EIF2S3: variants seen among roughly 807,000 people sequenced by gnomAD.
EIF2S3 encodes eukaryotic translation initiation factor 2 subunit gamma.
Under a neutral mutation model 31.7 loss-of-function variants are expected in EIF2S3, and 2 were observed. The ratio of observed to expected loss-of-function variants is 0.06; its 90% confidence interval spans 0.03 to 0.20. The LOEUF is 0.20. EIF2S3 is among the 10% of genes least tolerant of loss of function. EIF2S3 has a pLI of 1.00. For missense variants in EIF2S3, 96 were observed against 359.3 expected (o/e 0.27, Z 5.92); for synonymous variants, 120 against 126.7 (o/e 0.95, Z 0.36).
At position 24,057,555 on chromosome X, in the gene EIF2S3, T is replaced by C; in HGVS notation, c.261+7T>C. The C allele has an allele frequency of 4.1e-6, 5 of 1,207,751 alleles. No individual in the cohort carries two copies. The highest frequency in any genetic ancestry group is 5.6e-6 in the Non-Finnish European group (5 of 893,654). ...TGGATATGCTAATGCTAAGGTAAGC[T>C]GTGTACTGTGGAACGAGAAACTAAC... On this transcript the variant is annotated splice_region_variant and intron_variant, in intron 3 of 11. Coordinates refer to ENST00000253039, the MANE Select transcript of EIF2S3 (RefSeq NM_001415.4).
intron 8 of EIF2S3, among the ~76,000 whole-genome samples, chrX:24,066,522 TC>T (rs1319708011): frequency 1.7e-5 from 1 of 60,126 alleles, no homozygotes; most frequent in Non-Finnish European, 3.5e-5. Context: ...GCTTTTCTTT[TC>T]TTTTTTTTTT....
intron 11 of EIF2S3, among the ~76,000 whole-genome samples, chrX:24,074,684 T>C (rs1175285385): frequency 9.1e-6 from 1 of 110,164 alleles, no homozygotes; most frequent in African/African-American, 3.3e-5. Flanking sequence ...TTTGCCATTA[T>C]TTATTTCCCT....
rs369824654 is a variant in EIF2S3, at chrX:24,077,685, C to A, written c.*900C>A. On this transcript the variant is annotated 3_prime_UTR_variant, in exon 12 of 12. Coordinates refer to ENST00000253039, the MANE Select transcript of EIF2S3 (RefSeq NM_001415.4). ...TCCCATGGACAAATATTTTTCTCCCCTTGCTCTTCCTGGCCTGAAACACGG... is the reference window on the plus strand; with the variant it reads ...TCCCATGGACAAATATTTTTCTCCCATTGCTCTTCCTGGCCTGAAACACGG... The A allele has an allele frequency of 9.0e-6, 1 of 111,629 alleles. No homozygotes were observed. Among genetic ancestry groups the A allele is most frequent in the East Asian group, 2.8e-4 (1 of 3,569 alleles). 9.2% of individuals were successfully genotyped at this position (111,629 alleles called of 1,213,427 possible). A position where few individuals can be genotyped will look rare whatever the true frequency, so the allele number is the denominator to read the frequency against.
At position 24,078,593 on chromosome X, in the gene EIF2S3, A is replaced by G. The variant is rs1239960571; in HGVS notation, c.*1808A>G. ...TGAGTTTTGGTAGACTGATAATACA[A>G]TTTGCTTTGCTTTTCTTAAATTTGC... On this transcript the variant is annotated 3_prime_UTR_variant, in exon 12 of 12. Coordinates refer to ENST00000253039, the MANE Select transcript of EIF2S3 (RefSeq NM_001415.4). 1.8e-5 allele frequency among the ~76,000 whole-genome samples: 2 copies of G among 111,759 alleles called. No individual in the cohort carries two copies. Among genetic ancestry groups the G allele is most frequent in the Non-Finnish European group, 3.8e-5 (2 of 53,205 alleles).
At chrX:24,066,393 G>A (rs1930573729) in intron 8 of EIF2S3, among the ~76,000 whole-genome samples, 2 of 110,012 alleles carry the variant, frequency 1.8e-5, no homozygotes, top group African/African-American at 6.6e-5. Context: ...TTGTCTTTTT[G>A]TGCCTGGCTT....
intron 1 of EIF2S3, 76 bp from the exon 2 acceptor site, chrX:24,055,539 A>G (rs1283033655): frequency 9.7e-7 from 1 of 1,030,090 alleles, no homozygotes; most frequent in East Asian, 3.0e-5. Context: ...GGCAAGATGT[A>G]GATAGCAAAC....
chrX:24,055,358 G>A (rs1404912590), intron 1 of EIF2S3, among the ~76,000 whole-genome samples: 1 of 111,657 alleles, frequency 9.0e-6, no homozygotes, highest in Non-Finnish European at 1.9e-5. Context: ...TAGTGCTAAT[G>A]TTCCCAAGAT....
chrX:24,061,139 C>T (rs984464277), intron 5 of EIF2S3, among the ~76,000 whole-genome samples: 3 of 106,091 alleles, frequency 2.8e-5, no homozygotes, highest in African/African-American at 1.0e-4. Context: ...TGCCTGTAAT[C>T]CCAGCTACTT....
chrX:24,066,523 C>CTTTTTTTTTT (rs113989989), intron 8 of EIF2S3, among the ~76,000 whole-genome samples: 1 of 94,336 alleles, frequency 1.1e-5, no homozygotes. Flanking sequence ...CTTTTCTTTT[C>CTTTTTTTTTT]TTTTTTTTTT....
chrX:24,074,780 T>C (rs1930724861), intron 11 of EIF2S3, among the ~76,000 whole-genome samples: 1 of 109,414 alleles, frequency 9.1e-6, no homozygotes, highest in Non-Finnish European at 1.9e-5. Context: ...TGATGTGCAT[T>C]GTTCGACGTT....
intron 4 of EIF2S3, among the ~76,000 whole-genome samples, chrX:24,059,314 G>A (rs1156813523): frequency 8.9e-6 from 1 of 112,121 alleles, no homozygotes; most frequent in Non-Finnish European, 1.9e-5. Flanking sequence ...AAACAATTGT[G>A]ACTCTGAATG....
intron 2 of EIF2S3, among the ~76,000 whole-genome samples, chrX:24,056,701 T>TA (rs1163962065): frequency 9.0e-6 from 1 of 110,792 alleles, no homozygotes; most frequent in Admixed American, 9.7e-5. Context: ...CTACAAAAAA[T>TA]ACAAAAAATT....
rs1057399486 is a variant in EIF2S3 at position 24,059,942 on chromosome X, T to C, written c.384-146T>C. ...TGGTTTTCATCAGCTGGTGAACTTA[T>C]TTCCAAGTTCTAGAAACGACAAGCC... On this transcript the variant is annotated intron_variant, in intron 4 of 11. Transcript: ENST00000253039. 21 of 451,639 alleles carry C rather than the reference T, an allele frequency of 4.6e-5. No individual in the cohort carries two copies. In the African/African-American group the frequency reaches 4.7e-4, roughly 10 times the overall value. The allele number at this position is 451,639 out of a possible 1,213,427, so 37.2% of individuals were successfully genotyped here. A position where few individuals can be genotyped will look rare whatever the true frequency, so the allele number is the denominator to read the frequency against.
At chrX:24,073,046 T>G (rs1439811548) in intron 10 of EIF2S3, 45 bp from the exon 11 acceptor site, 1 of 1,155,569 alleles carries the variant, frequency 8.7e-7, no homozygotes, top group Non-Finnish European at 1.2e-6. Flanking sequence ...TTGGAAAGCA[T>G]TTTCTTGATT....
At position 24,055,124 on chromosome X, in the gene EIF2S3, G is replaced by A. The variant is rs1930380589; in HGVS notation, c.69+87G>A. 9 of 1,041,624 alleles carry A rather than the reference G, an allele frequency of 8.6e-6. No individual in the cohort carries two copies. The Admixed American group carries it at 1.9e-4, about 22-fold the overall frequency. 85.8% of individuals were successfully genotyped at this position (1,041,624 alleles called of 1,213,427 possible). ...GGTGGTATTGGGACTAGTCAGTGTC[G>A]GGAGCATGGGTCAGGAGCCTGGGTC... On this transcript the variant is annotated intron_variant, in intron 1 of 11. Coordinates refer to ENST00000253039, the MANE Select transcript of EIF2S3 (RefSeq NM_001415.4).
intron 5 of EIF2S3, among the ~76,000 whole-genome samples, chrX:24,061,256 T>TA (rs745398921): frequency 0.066 from 2,745 of 41,645 alleles, 89 homozygotes; most frequent in African/African-American, 0.12. Flanking sequence ...GACTCAGTCT[T>TA]AAAAAAAAAA....
rs570029856 is a variant in EIF2S3, at chrX:24,077,444, G to A, written c.*659G>A. 6.5e-4 allele frequency: 73 copies of A among 112,230 alleles called. No individual in the cohort carries two copies. Among genetic ancestry groups the A allele is most frequent in the African/African-American group, 2.2e-3 (69 of 31,020 alleles). 9.2% of individuals were successfully genotyped at this position (112,230 alleles called of 1,213,427 possible). On this transcript the variant is annotated 3_prime_UTR_variant, in exon 12 of 12. Transcript: ENST00000253039. ...CACACATATATCACTGAACCTGTTT[G>A]AAATAAAGTTTTTTTTCTTTTTCAT...
chrX:24,069,686 C>CTTTT lies in EIF2S3; in HGVS notation c.1012+1597_1012+1600dup, dbSNP rs754589833. Among the ~76,000 whole-genome samples, 120 of 60,943 alleles carry CTTTT rather than the reference C, an allele frequency of 2.0e-3. 1 individual carries two copies. Among genetic ancestry groups the CTTTT allele is most frequent in the African/African-American group, 3.7e-3 (54 of 14,458 alleles). 52.9% of individuals were successfully genotyped at this position (60,943 alleles called of 115,157 possible). Reference sequence around the variant, plus strand: ...TTAACTTAAGGAACTTTTTTAATTTCTTTTTTTTTTTTTTTTTTTTTTGAG... The same window carrying CTTTT: ...TTAACTTAAGGAACTTTTTTAATTTCTTTTTTTTTTTTTTTTTTTTTTTTTTGAG... On this transcript the variant is annotated intron_variant, in intron 9 of 11. Coordinates refer to ENST00000253039, the MANE Select transcript of EIF2S3 (RefSeq NM_001415.4).
At chrX:24,072,253 C>T (rs1329279168) in intron 10 of EIF2S3, among the ~76,000 whole-genome samples, 1 of 110,528 alleles carries the variant, frequency 9.0e-6, no homozygotes, top group African/African-American at 3.3e-5. Context: ...CCATTTATGA[C>T]AAAGACATGA....
Sources: gnomAD v4.1 joint callset for allele counts (sites outside exome capture counted in the v4.1 genomes callset) on GRCh38, gnomAD v4.1.1 for gene constraint, MANE v1.5 for transcripts, NCBI Gene and HGNC (gene_info 2026-07-23, HGNC 2026-07-21) for gene names.